CPLX3: variants seen among roughly 807,000 people sequenced by gnomAD.
CPLX3 encodes the protein complexin-3.
A neutral mutation model predicts 17.2 loss-of-function variants in CPLX3; 12 were observed. The ratio of observed to expected loss-of-function variants is 0.70; its 90% confidence interval spans 0.45 to 1.13. The LOEUF (loss-of-function observed/expected upper bound fraction) is 1.13, where lower values mean the gene tolerates loss of function less well. CPLX3 is among the 50% of genes most tolerant of loss of function. CPLX3 has a pLI of 0.00. For missense variants in CPLX3, 172 were observed against 203.2 expected, an observed-to-expected ratio of 0.85 and a Z score of 0.93; for synonymous variants, 75 against 79.4, an observed-to-expected ratio of 0.94 and a Z score of 0.29.
chr15:74,830,490 C>A lies in CPLX3; in HGVS notation c.*136C>A, dbSNP rs2063964259. On this transcript the variant is annotated 3_prime_UTR_variant, in exon 3 of 3. Transcript: ENST00000395018. ...GTTCCAAGACCTTTCCCATCCATGCCCCAAGCCTATCTTCTGGTTTCTTCC... is the reference window on the plus strand; with the variant it reads ...GTTCCAAGACCTTTCCCATCCATGCACCAAGCCTATCTTCTGGTTTCTTCC... 2 of 699,272 alleles carry A rather than the reference C, an allele frequency of 2.9e-6. No individual in the cohort carries two copies. 43.3% of individuals were successfully genotyped at this position (699,272 alleles called of 1,614,324 possible).
chr15:74,827,787 T>A (rs995163636), intron 1 of CPLX3, among the ~76,000 whole-genome samples: 4 of 152,168 alleles, frequency 2.6e-5, no homozygotes, highest in African/African-American at 9.7e-5. Context: ...ATAATTAGGA[T>A]CTGCAGAGAG....
At chr15:74,830,062 G>A in intron 2 of CPLX3, 68 bp from the exon 3 acceptor site, 1 of 1,211,184 alleles carries the variant, frequency 8.3e-7, no homozygotes, top group Non-Finnish European at 1.2e-6. Context: ...CCTCCTCCCT[G>A]TCCTCTCAAC....
At chr15:74,829,990 C>T (rs532446204) in intron 2 of CPLX3, 140 bp from the exon 3 acceptor site, 6 of 642,670 alleles carry the variant, frequency 9.3e-6, no homozygotes, top group South Asian at 2.0e-5. Context: ...AGGGAGACCT[C>T]GTCTCTACAA....
In CPLX3 at chr15:74,826,995, G is replaced by T. The variant is rs1361799069; in HGVS notation, c.164+128G>T. On this transcript the variant is annotated intron_variant, in intron 1 of 2. Transcript: ENST00000395018. The surrounding 1 kb of genome is among the most constrained non-coding windows in gnomAD (Gnocchi z 5.0). ...ACTTTCCTAGACACGGTAAGAGACC[G>T]GGAGGTGTCCTCTACACTGCCCCCA... 1 of 837,520 alleles carries T rather than the reference G, an allele frequency of 1.2e-6. No homozygotes were observed. The highest frequency in any genetic ancestry group is 3.1e-5 in the Admixed American group (1 of 32,338). The allele number at this position is 837,520 out of a possible 1,614,324, so 51.9% of individuals were successfully genotyped here.
intron 1 of CPLX3, among the ~76,000 whole-genome samples, chr15:74,827,547 G>A (rs898986064): frequency 6.6e-6 from 1 of 152,226 alleles, no homozygotes; most frequent in African/African-American, 2.4e-5. Flanking sequence ...ACATGATAAA[G>A]TCTCATAAAT....
At chr15:74,830,054 T>A in intron 2 of CPLX3, 76 bp from the exon 3 acceptor site, 4 of 1,051,366 alleles carry the variant, frequency 3.8e-6, no homozygotes, top group Non-Finnish European at 5.7e-6. Flanking sequence ...AGTCCAAGCC[T>A]CCTCCCTGTC....
intron 2 of CPLX3, among the ~76,000 whole-genome samples, chr15:74,829,294 G>A (rs1376753801): frequency 6.6e-6 from 1 of 152,138 alleles, no homozygotes; most frequent in Non-Finnish European, 1.5e-5. Flanking sequence ...ATGCAACTGA[G>A]TAGGACATAA....
Position 74,830,228 on chromosome 15 carries a change from G to A in CPLX3, c.351G>A (p.Glu117=), listed in dbSNP as rs780146194. ...KMIEEDTEEE[E]EKASVLGQLA... ...TCGAGGAGGACACAGAGGAGGAGGAGGAGAAGGCCTCAGTCCTTGGGCAGC... is the reference window on the plus strand; with the variant it reads ...TCGAGGAGGACACAGAGGAGGAGGAAGAGAAGGCCTCAGTCCTTGGGCAGC... The change falls in exon 3 of 3, where the codon GAG becomes GAA. Residue 117 remains glutamate, a synonymous_variant. Coordinates refer to ENST00000395018, the MANE Select transcript of CPLX3 (RefSeq NM_001030005.3). The A allele has an allele frequency of 1.1e-5, 17 of 1,613,966 alleles. No individual in the cohort carries two copies. Among genetic ancestry groups the A allele is most frequent in the African/African-American group, 1.3e-5 (1 of 75,034 alleles).
chr15:74,826,925 C>A lies in CPLX3; in HGVS notation c.164+58C>A. Reference sequence around the variant, plus strand: ...TCCCCTCCCCACCCCCACAGCTGCTCAGTCCATCCCCGGGCCAGCCTCAGG... The same window carrying A: ...TCCCCTCCCCACCCCCACAGCTGCTAAGTCCATCCCCGGGCCAGCCTCAGG... On this transcript the variant is annotated intron_variant, in intron 1 of 2. Transcript: ENST00000395018. The surrounding 1 kb of genome is among the most constrained non-coding windows in gnomAD (Gnocchi z 5.0). 1 of 1,483,440 alleles carries A rather than the reference C, an allele frequency of 6.7e-7. No homozygotes were observed. The highest frequency in any genetic ancestry group is 1.2e-5 in the South Asian group (1 of 82,840). 91.9% of individuals were successfully genotyped at this position (1,483,440 alleles called of 1,614,324 possible). A position where few individuals can be genotyped will look rare whatever the true frequency, so the allele number is the denominator to read the frequency against.
Position 74,830,742 on chromosome 15 carries a change from C to G in CPLX3, c.*388C>G, listed in dbSNP as rs989637676. 5.5e-6 allele frequency: 1 copy of G among 182,278 alleles called. No homozygotes were observed. Among genetic ancestry groups the G allele is most frequent in the African/African-American group, 2.4e-5 (1 of 42,338 alleles). 11.3% of individuals were successfully genotyped at this position (182,278 alleles called of 1,614,324 possible). ...AGATACATCCCGGCACAGACAGACA[C>G]ACACGAGGCCAGCTCCCTTGCGTGT... is the stretch of plus-strand genomic sequence containing the variant. On this transcript the variant is annotated 3_prime_UTR_variant, in exon 3 of 3. Transcript: ENST00000395018.
In CPLX3 at chr15:74,831,794, T is replaced by C. The variant is rs993713307; in HGVS notation, c.*1440T>C. ...ATATCAATAAATGTAACTCATTCTT[T>C]TAAAAAAATGAAGAGCCCAGATCTC... On this transcript the variant is annotated 3_prime_UTR_variant, in exon 3 of 3. Coordinates refer to ENST00000395018, the MANE Select transcript of CPLX3 (RefSeq NM_001030005.3). The C allele has an allele frequency of 6.6e-6, 1 of 152,178 alleles. No individual in the cohort carries two copies. The highest frequency in any genetic ancestry group is 2.4e-5 in the African/African-American group (1 of 41,422). The allele number at this position is 152,178 out of a possible 1,614,324, so 9.4% of individuals were successfully genotyped here. A position where few individuals can be genotyped will look rare whatever the true frequency, so the allele number is the denominator to read the frequency against.
rs1177090711 is a variant in CPLX3, at chr15:74,826,938, G to C, written c.164+71G>C. The C allele has an allele frequency of 9.2e-6, 13 of 1,419,492 alleles. No individual in the cohort carries two copies. Among genetic ancestry groups the C allele is most frequent in the Non-Finnish European group, 1.2e-5 (12 of 1,043,234 alleles). 87.9% of individuals were successfully genotyped at this position (1,419,492 alleles called of 1,614,324 possible). On this transcript the variant is annotated intron_variant, in intron 1 of 2. Transcript: ENST00000395018. This position sits in a 1 kb window ranked among gnomAD's most constrained non-coding sequence, Gnocchi z 5.0. ...CCCACAGCTGCTCAGTCCATCCCCGGGCCAGCCTCAGGTCCCAATCCCTTC... is the reference window on the plus strand; with the variant it reads ...CCCACAGCTGCTCAGTCCATCCCCGCGCCAGCCTCAGGTCCCAATCCCTTC...
chr15:74,827,979 C>T (rs959858149), intron 1 of CPLX3, 55 bp from the exon 2 acceptor site: 15 of 1,451,144 alleles, frequency 1.0e-5, no homozygotes, highest in Non-Finnish European at 1.4e-5. Context: ...CCCTCGAAGA[C>T]CTCAACCCCC....
At position 74,826,793 on chromosome 15, in the gene CPLX3, C is replaced by T. The variant is rs747456741; in HGVS notation, c.90C>T (p.Asp30=). The T allele has an allele frequency of 1.2e-6, 2 of 1,605,020 alleles. No homozygotes were observed. Among genetic ancestry groups the T allele is most frequent in the Non-Finnish European group, 8.5e-7 (1 of 1,175,754 alleles). The change falls in exon 1 of 3, where the codon GAC becomes GAT. Residue 30 remains aspartate (D), a synonymous_variant. Coordinates refer to ENST00000395018, the MANE Select transcript of CPLX3 (RefSeq NM_001030005.3). This position sits in a 1 kb window ranked among gnomAD's most constrained non-coding sequence, Gnocchi z 5.0. ...LGGGEDKGDG[D]KSAAEAQGMS... is the part of the protein sequence containing the mutation. ...GCGGCGAGGATAAGGGAGATGGGGA[C>T]AAGTCGGCAGCCGAAGCTCAGGGCA... is the stretch of plus-strand genomic sequence containing the variant.
At position 74,828,136 on chromosome 15, in the gene CPLX3, G is replaced by C; in HGVS notation, c.252+15G>C. The stretch of plus-strand genomic sequence containing the variant: ...GGCTACCCAAGGTAAGCTGGCCCCG[G>C]CTGTGAGGCACATCTGGGACCCTGA... On this transcript the variant is annotated intron_variant, in intron 2 of 2. Coordinates refer to ENST00000395018, the MANE Select transcript of CPLX3 (RefSeq NM_001030005.3). 4.5e-6 allele frequency: 7 copies of C among 1,565,536 alleles called. No individual in the cohort carries two copies. Among genetic ancestry groups the C allele is most frequent in the Non-Finnish European group, 6.1e-6 (7 of 1,153,838 alleles).
Position 74,830,386 on chromosome 15 carries a change from C to T in CPLX3, c.*32C>T. 2 of 1,559,508 alleles carry T rather than the reference C, an allele frequency of 1.3e-6. No individual in the cohort carries two copies. The highest frequency in any genetic ancestry group is 1.4e-5 in the African/African-American group (1 of 73,900). ...CCCCGGGGTTACCCACTGGGCTGGG[C>T]CCCCATGAGGGCTAAGAGTGTGTCA... is the stretch of plus-strand genomic sequence containing the variant. On this transcript the variant is annotated 3_prime_UTR_variant, in exon 3 of 3. Coordinates refer to ENST00000395018, the MANE Select transcript of CPLX3 (RefSeq NM_001030005.3).
intron 2 of CPLX3, 139 bp from the exon 3 acceptor site, chr15:74,829,991 G>A (rs1354835844): frequency 1.2e-5 from 8 of 641,340 alleles, no homozygotes; most frequent in South Asian, 4.1e-5. Context: ...GGGAGACCTC[G>A]TCTCTACAAA....
Position 74,826,941 on chromosome 15 carries a change from C to T in CPLX3, c.164+74C>T. The T allele has an allele frequency of 8.0e-6, 11 of 1,374,080 alleles. No homozygotes were observed. The highest frequency in any genetic ancestry group is 1.1e-5 in the Non-Finnish European group (11 of 1,002,834). The allele number at this position is 1,374,080 out of a possible 1,614,324, so 85.1% of individuals were successfully genotyped here. A position where few individuals can be genotyped will look rare whatever the true frequency, so the allele number is the denominator to read the frequency against. The stretch of plus-strand genomic sequence containing the variant: ...ACAGCTGCTCAGTCCATCCCCGGGC[C>T]AGCCTCAGGTCCCAATCCCTTCTCC... On this transcript the variant is annotated intron_variant, in intron 1 of 2. Transcript: ENST00000395018. The surrounding 1 kb of genome is among the most constrained non-coding windows in gnomAD (Gnocchi z 5.0).
In CPLX3 at chr15:74,828,821, C is replaced by A. The variant is rs138804107; in HGVS notation, c.252+700C>A. 1.1e-4 allele frequency among the ~76,000 whole-genome samples: 17 copies of A among 152,236 alleles called. No individual in the cohort carries two copies. In the East Asian group the frequency reaches 3.3e-3, roughly 29 times the overall value. Reference sequence around the variant, plus strand: ...AGTACCCCCTTGGCCGGCCAAGCAGCCAGAGAGTATATCTCAGGAGATCCC... The same window carrying A: ...AGTACCCCCTTGGCCGGCCAAGCAGACAGAGAGTATATCTCAGGAGATCCC... On this transcript the variant is annotated intron_variant, in intron 2 of 2. Coordinates refer to ENST00000395018, the MANE Select transcript of CPLX3 (RefSeq NM_001030005.3).
Sources: allele counts gnomAD v4.1 joint callset (sites outside exome capture counted in the v4.1 genomes callset), GRCh38; gene constraint gnomAD v4.1.1; non-coding constraint Gnocchi (gnomAD v3.1); transcripts MANE v1.5; gene names NCBI Gene and HGNC (gene_info 2026-07-23, HGNC 2026-07-21).